SLC2A9: variants seen among roughly 807,000 people sequenced by gnomAD.
SLC2A9 encodes the protein solute carrier family 2, facilitated glucose transporter member 9.
A neutral mutation model predicts 50.6 loss-of-function variants in SLC2A9; 39 were observed. That is an observed-to-expected ratio of 0.77 (90% CI 0.60 to 1.01). The LOEUF (loss-of-function observed/expected upper bound fraction) is 1.01. Ranked by LOEUF, SLC2A9 falls within the 50% of genes least tolerant of loss-of-function variation. The probability of loss-of-function intolerance (pLI) is 0.00; values close to 1 mark genes in which losing one functional copy is unlikely to be tolerated. For synonymous variants in SLC2A9, 324 were observed against 276.9 expected (o/e 1.17, Z -1.69); for missense variants, 686 against 677.6 (o/e 1.01, Z -0.14).
At chr4:9,922,234 C>T (rs1393718465) in intron 6 of SLC2A9, among the ~76,000 whole-genome samples, 1 of 151,916 alleles carries the variant, frequency 6.6e-6, no homozygotes, top group Non-Finnish European at 1.5e-5. Flanking sequence ...AACCGAACAC[C>T]ACATGTTCTC....
At chr4:9,858,867 G>C (rs145050300) in intron 10 of SLC2A9, among the ~76,000 whole-genome samples, 1 of 152,208 alleles carries the variant, frequency 6.6e-6, no homozygotes, top group Non-Finnish European at 1.5e-5. Flanking sequence ...CTAATCAGGT[G>C]CCAGTGCTGC....
At chr4:9,885,515 T>G (rs957346147) in intron 10 of SLC2A9, among the ~76,000 whole-genome samples, 1 of 152,220 alleles carries the variant, frequency 6.6e-6, no homozygotes, top group Non-Finnish European at 1.5e-5. Flanking sequence ...AAGGTTTGTT[T>G]TGAAAAACCC....
intron 11 of SLC2A9, among the ~76,000 whole-genome samples, chr4:9,830,174 T>C (rs1016287200): frequency 2.6e-5 from 4 of 152,262 alleles, no homozygotes; most frequent in African/African-American, 9.6e-5. Context: ...CATGGAATAC[T>C]ATGTAGCCAT....
chr4:9,990,310 C>T (rs1757470066), intron 3 of SLC2A9, among the ~76,000 whole-genome samples: 1 of 152,116 alleles, frequency 6.6e-6, no homozygotes, highest in Non-Finnish European at 1.5e-5. Flanking sequence ...CGAGCATTTT[C>T]CACCCATCCT....
intron 3 of SLC2A9, among the ~76,000 whole-genome samples, chr4:9,989,225 A>C (rs61161133): frequency 6.6e-6 from 1 of 152,140 alleles, no homozygotes; most frequent in African/African-American, 2.4e-5. Context: ...AGCTGGTTAA[A>C]TCTCTGTCTA....
downstream of SLC2A9, among the ~76,000 whole-genome samples, chr4:9,822,331 T>G (rs927820227): frequency 6.6e-6 from 1 of 152,170 alleles, no homozygotes; most frequent in Non-Finnish European, 1.5e-5. Flanking sequence ...CTTCCCTGTG[T>G]TTGCTTTTTG....
chr4:9,954,932 C>T (rs1750948078), intron 5 of SLC2A9, among the ~76,000 whole-genome samples: 2 of 152,098 alleles, frequency 1.3e-5, no homozygotes, highest in Non-Finnish European at 1.5e-5. Context: ...ATAAGCTTCC[C>T]GACAAGATCT....
intron 10 of SLC2A9, among the ~76,000 whole-genome samples, chr4:9,886,781 C>T (rs946070754): frequency 1.1e-4 from 16 of 152,172 alleles, no homozygotes; most frequent in Admixed American, 7.9e-4. Flanking sequence ...CCTGAGCCCC[C>T]CTTCTCAGTC....
At chr4:10,030,815 C>A (rs1015193426) in intron 1 of SLC2A9, among the ~76,000 whole-genome samples, 4 of 152,120 alleles carry the variant, frequency 2.6e-5, no homozygotes, top group Non-Finnish European at 4.4e-5. Flanking sequence ...ATGTAGTAGA[C>A]CCCACCAGGC....
intron 1 of SLC2A9, among the ~76,000 whole-genome samples, chr4:10,028,375 C>A (rs993892825): frequency 6.6e-6 from 1 of 152,280 alleles, no homozygotes; most frequent in Non-Finnish European, 1.5e-5. Context: ...AGACTCAGAC[C>A]CTCATCCTGG....
chr4:9,826,917 C>T (rs1434862614), intron 11 of SLC2A9, among the ~76,000 whole-genome samples: 1 of 152,116 alleles, frequency 6.6e-6, no homozygotes, highest in East Asian at 1.9e-4. Flanking sequence ...TTAGCTTAAG[C>T]TTATATTTAC....
At chr4:9,972,595 T>C (rs78730550) in intron 5 of SLC2A9, among the ~76,000 whole-genome samples, 3 of 152,110 alleles carry the variant, frequency 2.0e-5, no homozygotes, top group Non-Finnish European at 2.9e-5. Flanking sequence ...ATACCAACCA[T>C]ACTCTCAGAC....
At chr4:9,928,243 T>C (rs1364694773) in intron 6 of SLC2A9, among the ~76,000 whole-genome samples, 2 of 152,248 alleles carry the variant, frequency 1.3e-5, no homozygotes, top group African/African-American at 4.8e-5. Flanking sequence ...CTAGCCTCAA[T>C]GACCATTGAC....
intron 3 of SLC2A9, chr4:9,782,773 C>A: frequency 6.2e-7 from 1 of 1,614,036 alleles, no homozygotes; most frequent in Admixed American, 1.7e-5. Context: ...ACACGCGCAT[C>A]TACCGCATCG....
In SLC2A9 at chr4:9,816,791, G is replaced by A. The variant is rs147686403; in HGVS notation, n.420+9629C>T. ...CTTTTCATAAGTTTTCTGTAAGTGTGAAAGTATTTCAACACAAAAAGTTAA... is the reference window on the plus strand; with the variant it reads ...CTTTTCATAAGTTTTCTGTAAGTGTAAAAGTATTTCAACACAAAAAGTTAA... On this transcript the variant is annotated intron_variant and non_coding_transcript_variant, in intron 3 of 3. Transcript: ENST00000503280. Among the ~76,000 whole-genome samples the A allele has an allele frequency of 3.1e-3, 463 of 151,762 alleles. 4 individuals carry two copies. The highest frequency in any genetic ancestry group is 0.01 in the African/African-American group (416 of 41,372).
downstream of SLC2A9, among the ~76,000 whole-genome samples, chr4:9,824,276 C>G (rs1724816314): frequency 6.6e-6 from 1 of 151,416 alleles, no homozygotes; most frequent in African/African-American, 2.4e-5. Flanking sequence ...TCAGATGTCC[C>G]CCTGACATTG....
At chr4:9,918,858 T>A (rs1743381946) in intron 7 of SLC2A9, among the ~76,000 whole-genome samples, 1 of 152,096 alleles carries the variant, frequency 6.6e-6, no homozygotes, top group Non-Finnish European at 1.5e-5. Context: ...TTGAAGATCA[T>A]CAACATGGGA....
chr4:9,816,821 TA>T (rs752824907), intron 3 of SLC2A9, among the ~76,000 whole-genome samples: 10 of 141,020 alleles, frequency 7.1e-5, no homozygotes, highest in Admixed American at 2.1e-4. Flanking sequence ...AGTTAAAAAT[TA>T]AAAAAAAAAC....
chr4:9,822,205 G>T (rs1004393164), downstream of SLC2A9, among the ~76,000 whole-genome samples: 2 of 152,034 alleles, frequency 1.3e-5, no homozygotes, highest in East Asian at 1.9e-4. Flanking sequence ...TTTATCAATT[G>T]TATTGATCTT....
Sources: gnomAD v4.1 joint callset for allele counts (sites outside exome capture counted in the v4.1 genomes callset) on GRCh38, gnomAD v4.1.1 for gene constraint, MANE v1.5 for transcripts, NCBI Gene and HGNC (gene_info 2026-07-23, HGNC 2026-07-21) for gene names.